Variants in SERPINE2 observed in about 807,000 individuals in gnomAD.
SERPINE2 encodes the protein serpin family E member 2.
In SERPINE2, 14 loss-of-function variants were observed where a neutral mutation model predicts 36.3. The observed-to-expected ratio is 0.39, with a 90% CI of 0.25 to 0.60. The LOEUF (loss-of-function observed/expected upper bound fraction) is 0.60. SERPINE2 is among the 20% of genes least tolerant of loss of function. The pLI, the probability that SERPINE2 is intolerant of heterozygous loss-of-function variation, is 0.57. For synonymous variants in SERPINE2, 192 were observed against 191.8 expected (o/e 1.00, Z -0.01); for missense variants, 418 against 499.6 (o/e 0.84, Z 1.56).
chr2:223,988,861 A>G (rs1195438610), intron 4 of SERPINE2, among the ~76,000 whole-genome samples: 2 of 152,250 alleles, frequency 1.3e-5, no homozygotes, highest in Non-Finnish European at 2.9e-5. Context: ...AAAAGGATCA[A>G]GTAAATCCTT....
intron 1 of SERPINE2, 85 bp from the exon 2 acceptor site, chr2:224,002,007 C>T (rs765390423): frequency 5.1e-5 from 63 of 1,245,118 alleles, no homozygotes; most frequent in African/African-American, 1.5e-4. Context: ...GATAGAGACT[C>T]GTTCTTTCAC....
intron 1 of SERPINE2, among the ~76,000 whole-genome samples, chr2:224,037,369 G>A (rs1167493441): frequency 2.0e-5 from 3 of 152,206 alleles, no homozygotes; most frequent in Non-Finnish European, 4.4e-5. Context: ...TTTGCAACCC[G>A]GAAGGAAGGA....
rs1553547022 is a variant in SERPINE2 at position 224,005,065 on chromosome 2, T to TTATATATTTATA, written c.-22-3144_-22-3143insTATAAATATATA. 1.1e-3 allele frequency among the ~76,000 whole-genome samples: 37 copies of TTATATATTTATA among 33,568 alleles called. No individual in the cohort carries two copies. The South Asian group carries it at 0.015, about 14-fold the overall frequency. The allele number at this position is 33,568 out of a possible 152,430, so 22.0% of individuals were successfully genotyped here. A position where few individuals can be genotyped will look rare whatever the true frequency, so the allele number is the denominator to read the frequency against. On this transcript the variant is annotated intron_variant, in intron 1 of 8. Coordinates refer to ENST00000409304, the MANE Select transcript of SERPINE2 (RefSeq NM_001136528.2). ...ATATATTTTATATATTTTATATATA[T>TTATATATTTATA]TATATATATATATATATATATATAT...
chr2:224,013,597 T>C (rs905229081), intron 1 of SERPINE2, among the ~76,000 whole-genome samples: 1 of 152,168 alleles, frequency 6.6e-6, no homozygotes, highest in African/African-American at 2.4e-5. Context: ...TTAGATTATA[T>C]ATGAATGTTT....
At chr2:223,995,890 T>A (rs1193843937) in intron 3 of SERPINE2, among the ~76,000 whole-genome samples, 1 of 152,236 alleles carries the variant, frequency 6.6e-6, no homozygotes, top group Non-Finnish European at 1.5e-5. Flanking sequence ...TTGAGTGTAG[T>A]TGTACCCAAG....
Position 223,998,352 on chromosome 2 carries a change from A to G in SERPINE2, c.260-10T>C. On this transcript the variant is annotated splice_polypyrimidine_tract_variant and intron_variant, in intron 2 of 8. Transcript: ENST00000409304. ...AATATTTTACCAACTCCTAAAAGAG[A>G]AATCAGAAGATACAGCAATACTTCC... 1 of 1,585,160 alleles carries G rather than the reference A, an allele frequency of 6.3e-7. No individual in the cohort carries two copies. Among genetic ancestry groups the G allele is most frequent in the East Asian group, 2.2e-5 (1 of 44,738 alleles).
At chr2:223,989,492 G>T (rs1416507369) in intron 4 of SERPINE2, among the ~76,000 whole-genome samples, 1 of 152,216 alleles carries the variant, frequency 6.6e-6, no homozygotes, top group Non-Finnish European at 1.5e-5. Flanking sequence ...CGGACAGTCT[G>T]TGGAAATGGA....
chr2:223,981,672 C>T (rs958609781), intron 6 of SERPINE2: 2 of 152,176 alleles, frequency 1.3e-5, no homozygotes, highest in Non-Finnish European at 1.5e-5. Flanking sequence ...AAATAATGTT[C>T]AAGCCATGGC....
intron 1 of SERPINE2, chr2:224,038,573 T>C (rs1369157899): frequency 1.4e-6 from 2 of 1,455,296 alleles, no homozygotes; most frequent in African/African-American, 2.8e-5. Flanking sequence ...TTAAATCGGC[T>C]GCCAGAGGCC....
Position 223,984,761 on chromosome 2 carries a change from A to T in SERPINE2, c.875T>A (p.Ile292Asn), listed in dbSNP as rs757749393. The change falls in exon 5 of 9, where the codon ATC becomes AAC. Residue 292 changes from isoleucine (I) to asparagine (N), a missense_variant. By Grantham distance (149) the Ile-to-Asn change is moderately radical (BLOSUM62 -3). Coordinates refer to ENST00000409304, the MANE Select transcript of SERPINE2 (RefSeq NM_001136528.2). ...SIMVPKRVQV[I>N]LPKFTAVAQT... ...GGAAGGGGCCACTTACTTGGGCAGG[A>T]TCACCTGCACCCTCTTGGGCACCAT... 6.2e-7 allele frequency: 1 copy of T among 1,612,334 alleles called. No homozygotes were observed. The highest frequency in any genetic ancestry group is 8.5e-7 in the Non-Finnish European group (1 of 1,179,728).
chr2:224,020,810 T>C (rs1691973753), intron 1 of SERPINE2, among the ~76,000 whole-genome samples: 1 of 152,176 alleles, frequency 6.6e-6, no homozygotes, highest in African/African-American at 2.4e-5. Flanking sequence ...GGAATTTCAA[T>C]TTGCATTCCC....
At position 224,030,951 on chromosome 2, in the gene SERPINE2, G is replaced by A. The variant is rs563805019; in HGVS notation, c.-23+8148C>T. 4.9e-5 allele frequency: 48 copies of A among 985,280 alleles called. No individual in the cohort carries two copies. The South Asian group carries it at 2.0e-3, about 41-fold the overall frequency. 61.0% of individuals were successfully genotyped at this position (985,280 alleles called of 1,614,324 possible). A position where few individuals can be genotyped will look rare whatever the true frequency, so the allele number is the denominator to read the frequency against. Reference sequence around the variant, plus strand: ...TGAGGAAGGAACTAGGGGGCCAAAGGCATAAAACCATGATTCAAACGTACC... The same window carrying A: ...TGAGGAAGGAACTAGGGGGCCAAAGACATAAAACCATGATTCAAACGTACC... On this transcript the variant is annotated intron_variant, in intron 1 of 8. Transcript: ENST00000409304.
At chr2:223,991,738 A>C (rs1380002995) in intron 4 of SERPINE2, 65 bp downstream of exon 4, 14 of 1,511,576 alleles carry the variant, frequency 9.3e-6, no homozygotes, top group Non-Finnish European at 1.3e-5. Context: ...AATTAAGTTA[A>C]AGCACTCAAG....
chr2:224,035,845 C>A (rs1260968416), intron 1 of SERPINE2, among the ~76,000 whole-genome samples: 1 of 152,166 alleles, frequency 6.6e-6, no homozygotes, highest in African/African-American at 2.4e-5. Flanking sequence ...CAAGGCAAGG[C>A]CAGCGTGACT....
In SERPINE2 at chr2:224,003,004, A is replaced by G. The variant is rs182966224; in HGVS notation, c.-22-1082T>C. Among the ~76,000 whole-genome samples the G allele has an allele frequency of 4.4e-3, 668 of 152,276 alleles. 6 individuals are homozygous for G. The highest frequency in any genetic ancestry group is 0.015 in the African/African-American group (621 of 41,548). On this transcript the variant is annotated intron_variant, in intron 1 of 8. Coordinates refer to ENST00000409304, the MANE Select transcript of SERPINE2 (RefSeq NM_001136528.2). ...TTTTCAGAAAAGGATAAAGAGCACA[A>G]TGATAAAATACAGGGATGCGAGCAG...
chr2:224,005,829 A>G (rs543949299), intron 1 of SERPINE2, among the ~76,000 whole-genome samples: 37 of 152,332 alleles, frequency 2.4e-4, no homozygotes, highest in African/African-American at 8.7e-4. Context: ...ATTGTTTCAC[A>G]ACAGTAAAAA....
rs202170854 is a variant in SERPINE2 at position 223,980,267 on chromosome 2, G to C, written c.1072+44C>G. 12 of 1,469,538 alleles carry C rather than the reference G, an allele frequency of 8.2e-6. No individual in the cohort carries two copies. In the African/African-American group the frequency reaches 1.7e-4, roughly 20 times the overall value. 91.0% of individuals were successfully genotyped at this position (1,469,538 alleles called of 1,614,324 possible). ...CCAATGAGTATACAGGAATGTGTTTGCTCCCCTGCTAGAGGAAGCCCTGCC... is the reference window on the plus strand; with the variant it reads ...CCAATGAGTATACAGGAATGTGTTTCCTCCCCTGCTAGAGGAAGCCCTGCC... On this transcript the variant is annotated intron_variant, in intron 7 of 8. Transcript: ENST00000409304.
intron 1 of SERPINE2, among the ~76,000 whole-genome samples, chr2:224,021,033 C>A (rs376661454): frequency 1.3e-5 from 2 of 152,294 alleles, no homozygotes; most frequent in East Asian, 1.9e-4. Flanking sequence ...CAAACCTCTA[C>A]GGCCCAGAGA....
intron 1 of SERPINE2, among the ~76,000 whole-genome samples, chr2:224,026,465 T>C (rs750483928): frequency 3.3e-5 from 5 of 152,210 alleles, no homozygotes; most frequent in Non-Finnish European, 7.3e-5. Flanking sequence ...ATAATATGCA[T>C]TGACTGAGAG....
Sources: allele counts gnomAD v4.1 joint callset (sites outside exome capture counted in the v4.1 genomes callset), GRCh38; gene constraint gnomAD v4.1.1; transcripts MANE v1.5; gene names NCBI Gene and HGNC (gene_info 2026-07-23, HGNC 2026-07-21).